Variants in SLC38A4 observed in about 807,000 individuals in gnomAD.
The protein encoded by SLC38A4 is solute carrier family 38 member 4, also known as sodium-coupled neutral amino acid transporter 4.
In SLC38A4, 20 loss-of-function variants were observed where a neutral mutation model predicts 63.1. The ratio of observed to expected loss-of-function variants is 0.32; its 90% confidence interval spans 0.22 to 0.46. The LOEUF is 0.46. Ranked by LOEUF, SLC38A4 falls within the 20% of genes least tolerant of loss-of-function variation. SLC38A4 has a pLI of 1.00. For synonymous variants in SLC38A4, 230 were observed against 225.5 expected, an observed-to-expected ratio of 1.02 and a Z score of -0.18; for missense variants, 526 against 663.6, an observed-to-expected ratio of 0.79 and a Z score of 2.28.
chr12:46,775,532 G>C (rs1179118386), intron 13 of SLC38A4, among the ~76,000 whole-genome samples: 1 of 151,896 alleles, frequency 6.6e-6, no homozygotes, highest in Non-Finnish European at 1.5e-5. Flanking sequence ...GTCTCTCCCA[G>C]CCTACCACCT....
At chr12:46,794,029 G>C (rs1306844003) in intron 2 of SLC38A4, among the ~76,000 whole-genome samples, 1 of 152,032 alleles carries the variant, frequency 6.6e-6, no homozygotes, top group Non-Finnish European at 1.5e-5. Flanking sequence ...CTTACCATTA[G>C]ATTCATTCAA....
chr12:46,770,117 T>C (rs1938387545), intron 14 of SLC38A4, among the ~76,000 whole-genome samples: 1 of 152,080 alleles, frequency 6.6e-6, no homozygotes, highest in African/African-American at 2.4e-5. Flanking sequence ...CAGAAAGAGA[T>C]AACAGGCAAG....
chr12:46,789,906 G>A (rs1249897179), intron 3 of SLC38A4, among the ~76,000 whole-genome samples: 7 of 152,056 alleles, frequency 4.6e-5, no homozygotes, highest in African/African-American at 1.4e-4. Flanking sequence ...GTGAAACTTC[G>A]TCTCTACTAG....
At chr12:46,788,417 A>G in intron 4 of SLC38A4, 111 bp downstream of exon 4, 1 of 816,048 alleles carries the variant, frequency 1.2e-6, no homozygotes, top group Non-Finnish European at 2.0e-6. Context: ...TAAACACAGA[A>G]TGTGCTGATC....
chr12:46,809,115 A>T (rs1172299024), intron 1 of SLC38A4, among the ~76,000 whole-genome samples: 1 of 151,984 alleles, frequency 6.6e-6, no homozygotes, highest in Non-Finnish European at 1.5e-5. Flanking sequence ...TAAACCTGTT[A>T]TCATCTTGCT....
chr12:46,788,063 C>T (rs956371762), intron 4 of SLC38A4, 32 bp from the exon 5 acceptor site: 1 of 1,548,862 alleles, frequency 6.5e-7, no homozygotes, highest in African/African-American at 1.4e-5. Flanking sequence ...TATAAGCAAA[C>T]ATTTGCCAAA....
At chr12:46,798,537 T>C (rs1170159913) in intron 2 of SLC38A4, among the ~76,000 whole-genome samples, 3 of 152,156 alleles carry the variant, frequency 2.0e-5, no homozygotes, top group Non-Finnish European at 4.4e-5. Context: ...AAGGCTTCTC[T>C]GAAGAAGGAG....
intron 10 of SLC38A4, 116 bp from the exon 11 acceptor site, chr12:46,778,892 C>G: frequency 1.1e-6 from 1 of 881,232 alleles, no homozygotes; most frequent in Non-Finnish European, 1.7e-6. Flanking sequence ...GTTAGGGATT[C>G]CTTTTAGACT....
chr12:46,809,237 A>G (rs960977176), intron 1 of SLC38A4, among the ~76,000 whole-genome samples: 6 of 152,040 alleles, frequency 3.9e-5, no homozygotes, highest in Non-Finnish European at 8.8e-5. Context: ...GCTTCAAAGA[A>G]TCAGGATCCC....
At chr12:46,777,810 C>A (rs556187849) in intron 12 of SLC38A4, among the ~76,000 whole-genome samples, 58 of 151,894 alleles carry the variant, frequency 3.8e-4, no homozygotes, top group Non-Finnish European at 7.2e-4. Flanking sequence ...CTCTATTGTA[C>A]AAATAAGACA....
chr12:46,831,304 C>T (rs1284939576), intron 1 of SLC38A4, among the ~76,000 whole-genome samples: 1 of 152,222 alleles, frequency 6.6e-6, no homozygotes, highest in African/African-American at 2.4e-5. Context: ...TCGGGGCTTC[C>T]CGGGTCCGGG....
At position 46,785,085 on chromosome 12, in the gene SLC38A4, G is replaced by T. The variant is rs780406542; in HGVS notation, c.400+19C>A. On this transcript the variant is annotated intron_variant, in intron 6 of 16. Transcript: ENST00000266579. ...ATGAGAATTAAAATAGAATGTGTTG[G>T]ACTCAAGTGGTAGCATACCTCCTTC... 6.4e-7 allele frequency: 1 copy of T among 1,572,436 alleles called. No homozygotes were observed. Among genetic ancestry groups the T allele is most frequent in the Non-Finnish European group, 8.8e-7 (1 of 1,142,568 alleles).
At chr12:46,809,907 G>A (rs1470878855) in intron 1 of SLC38A4, among the ~76,000 whole-genome samples, 4 of 151,908 alleles carry the variant, frequency 2.6e-5, no homozygotes, top group Non-Finnish European at 5.9e-5. Context: ...ATTAGACTAT[G>A]CCTCGTGCAT....
intron 14 of SLC38A4, among the ~76,000 whole-genome samples, chr12:46,773,306 T>G (rs1386425916): frequency 1.3e-5 from 2 of 152,100 alleles, no homozygotes; most frequent in African/African-American, 4.8e-5. Context: ...GAGCTCACCC[T>G]CTGTGCCAGT....
chr12:46,819,142 G>A (rs1024336489), intron 1 of SLC38A4, among the ~76,000 whole-genome samples: 1 of 151,810 alleles, frequency 6.6e-6, no homozygotes, highest in Non-Finnish European at 1.5e-5. Context: ...GGGTAATTCT[G>A]TAAGACAACT....
intron 2 of SLC38A4, among the ~76,000 whole-genome samples, chr12:46,802,722 A>G (rs2465608): frequency 0.72 from 110,040 of 151,818 alleles, 40,691 homozygotes; most frequent in Non-Finnish European, 0.8. Context: ...TTTTTAGCCC[A>G]GTGTTCATGA....
intron 16 of SLC38A4, 97 bp downstream of exon 16, chr12:46,768,213 A>T: frequency 1.1e-6 from 1 of 881,260 alleles, no homozygotes; most frequent in Non-Finnish European, 1.7e-6. Context: ...TGGTTCTTGT[A>T]CATTGATTCA....
At chr12:46,831,575 A>G (rs1340867039) in intron 1 of SLC38A4, among the ~76,000 whole-genome samples, 1 of 152,098 alleles carries the variant, frequency 6.6e-6, no homozygotes, top group Admixed American at 6.5e-5. Flanking sequence ...AGACTCGCCC[A>G]CCGCCCAGAG....
chr12:46,786,804 C>G (rs1463031675), intron 5 of SLC38A4, among the ~76,000 whole-genome samples: 1 of 152,130 alleles, frequency 6.6e-6, no homozygotes, highest in Non-Finnish European at 1.5e-5. Context: ...AGTCCTGATG[C>G]TTAGCCCTCA....
Sources: gnomAD v4.1 joint callset for allele counts (sites outside exome capture counted in the v4.1 genomes callset) on GRCh38, gnomAD v4.1.1 for gene constraint, MANE v1.5 for transcripts, NCBI Gene and HGNC (gene_info 2026-07-23, HGNC 2026-07-21) for gene names.